C8orf34: variants seen among roughly 807,000 people sequenced by gnomAD.
The protein encoded by C8orf34 is chromosome 8 open reading frame 34.
C8orf34 carries 65 observed loss-of-function variants against 68.3 expected under a neutral mutation model. The ratio of observed to expected loss-of-function variants is 0.95; its 90% confidence interval spans 0.78 to 1.17. The LOEUF (loss-of-function observed/expected upper bound fraction) is 1.17. C8orf34 is among the 50% of genes most tolerant of loss of function. The pLI, the probability that C8orf34 is intolerant of heterozygous loss-of-function variation, is 0.00. For missense variants in C8orf34, 664 were observed against 655.4 expected (o/e 1.01, Z -0.14); for synonymous variants, 244 against 241.2 (o/e 1.01, Z -0.11).
At chr8:68,656,891 G>A (rs1215082772) in intron 8 of C8orf34, among the ~76,000 whole-genome samples, 1 of 152,326 alleles carries the variant, frequency 6.6e-6, no homozygotes, top group South Asian at 2.1e-4. Flanking sequence ...ATAATAAAGA[G>A]ATAGAAGCTA....
At chr8:68,794,694 C>T (rs1166480713) in intron 12 of C8orf34, among the ~76,000 whole-genome samples, 1 of 150,518 alleles carries the variant, frequency 6.6e-6, no homozygotes, top group Non-Finnish European at 1.5e-5. Flanking sequence ...ACCATGTTGC[C>T]CAGGTTGGTC....
chr8:68,660,633 C>T (rs1352116151), intron 8 of C8orf34, among the ~76,000 whole-genome samples: 1 of 152,132 alleles, frequency 6.6e-6, no homozygotes, highest in Non-Finnish European at 1.5e-5. Flanking sequence ...TGTTGCCTGC[C>T]TCTGGATCCC....
intron 7 of C8orf34, chr8:68,534,275 C>G (rs1815372213): frequency 1.0e-6 from 1 of 985,234 alleles, no homozygotes; most frequent in Non-Finnish European, 1.2e-6. Flanking sequence ...CTGTTGGTCC[C>G]TTCCAATTGG....
intron 12 of C8orf34, among the ~76,000 whole-genome samples, chr8:68,810,639 C>A (rs968052001): frequency 6.6e-6 from 1 of 152,088 alleles, no homozygotes; most frequent in African/African-American, 2.4e-5. Flanking sequence ...AAATGAGGTA[C>A]GCATACAACT....
intron 1 of C8orf34, among the ~76,000 whole-genome samples, chr8:68,436,058 A>C (rs908324448): frequency 6.6e-6 from 1 of 152,086 alleles, no homozygotes; most frequent in African/African-American, 2.4e-5. Flanking sequence ...AAATACAAAA[A>C]TTAGTCGTGT....
At position 68,757,295 on chromosome 8, in the gene C8orf34, G is replaced by A. The variant is rs140038863; in HGVS notation, c.1405-19104G>A. Among the ~76,000 whole-genome samples, 831 of 152,222 alleles carry A rather than the reference G, an allele frequency of 5.5e-3. 7 individuals are homozygous for A. The highest frequency in any genetic ancestry group is 0.018 in the African/African-American group (739 of 41,554). On this transcript the variant is annotated intron_variant, in intron 10 of 13. Transcript: ENST00000518698. ...ACTCTGGAGGCAGTGGGTCAGTGAC[G>A]GATGTTAACCAGCTCACTTTAACAA...
intron 1 of C8orf34, among the ~76,000 whole-genome samples, chr8:68,394,160 C>A (rs1308622356): frequency 6.6e-6 from 1 of 151,664 alleles, no homozygotes; most frequent in African/African-American, 2.4e-5. Context: ...CATATGTATA[C>A]ATGTGCCATG....
chr8:68,525,633 G>T (rs946608653), intron 6 of C8orf34: 6 of 737,582 alleles, frequency 8.1e-6, no homozygotes, highest in African/African-American at 6.9e-5. Flanking sequence ...GATGGGAGCA[G>T]ATTATGCTGC....
At chr8:68,544,435 A>G (rs980273904) in intron 7 of C8orf34, among the ~76,000 whole-genome samples, 46 of 152,194 alleles carry the variant, frequency 3.0e-4, no homozygotes, top group Non-Finnish European at 1.8e-4. Flanking sequence ...TAAACCCATG[A>G]GTACAAAGGT....
chr8:68,613,097 T>C (rs1818071687), intron 7 of C8orf34, among the ~76,000 whole-genome samples: 1 of 152,114 alleles, frequency 6.6e-6, no homozygotes, highest in African/African-American at 2.4e-5. Context: ...ATTTTTCTTC[T>C]AGAAAGATGC....
chr8:68,760,152 AG>A (rs1822982000), intron 10 of C8orf34, among the ~76,000 whole-genome samples: 1 of 152,168 alleles, frequency 6.6e-6, no homozygotes. Context: ...ATTACAACAC[AG>A]GCGGAGGACA....
At chr8:68,603,067 G>T (rs1234892869) in intron 7 of C8orf34, among the ~76,000 whole-genome samples, 1 of 151,952 alleles carries the variant, frequency 6.6e-6, no homozygotes, top group Non-Finnish European at 1.5e-5. Context: ...AATTCTTCAG[G>T]TTCCTAATCA....
Position 68,331,033 on chromosome 8 carries a change from G to A in C8orf34, c.21G>A (p.Ser7=), listed in dbSNP as rs1444358877. The A allele has an allele frequency of 4.8e-6, 7 of 1,464,322 alleles. No individual in the cohort carries two copies. The highest frequency in any genetic ancestry group is 5.4e-5 in the Admixed American group (2 of 36,900). The allele number at this position is 1,464,322 out of a possible 1,614,324, so 90.7% of individuals were successfully genotyped here. A position where few individuals can be genotyped will look rare whatever the true frequency, so the allele number is the denominator to read the frequency against. Residue 7 remains serine, a synonymous_variant, in exon 1 of 14, where the codon TCG becomes TCA. Coordinates refer to ENST00000518698, the MANE Select transcript of C8orf34 (RefSeq NM_052958.4). MSSPLA[S]ELSELAALRP... is the part of the protein sequence containing the mutation. ...GATGAATGAGTTCTCCCCTCGCCTC[G>A]GAGTTGTCTGAGTTGGCGGCGCTGC...
intron 1 of C8orf34, chr8:68,439,294 T>G: frequency 2.3e-6 from 1 of 443,298 alleles, no homozygotes. Flanking sequence ...CTGTGTAATA[T>G]AGACAATTTA....
rs991076646 is a variant in C8orf34 at position 68,818,796 on chromosome 8, T to G, written c.*550T>G. The G allele has an allele frequency of 1.3e-5, 2 of 152,156 alleles. No homozygotes were observed. Among genetic ancestry groups the G allele is most frequent in the African/African-American group, 4.8e-5 (2 of 41,418 alleles). 9.4% of individuals were successfully genotyped at this position (152,156 alleles called of 1,614,324 possible). On this transcript the variant is annotated 3_prime_UTR_variant, in exon 14 of 14. Transcript: ENST00000518698. ...ACTGCTCTTTCTCATGATTATTTTCTCTATTCCTATTAAAATGAATAATTG... is the reference window on the plus strand; with the variant it reads ...ACTGCTCTTTCTCATGATTATTTTCGCTATTCCTATTAAAATGAATAATTG...
chr8:68,349,718 C>T (rs999696975), intron 1 of C8orf34, among the ~76,000 whole-genome samples: 45 of 151,690 alleles, frequency 3.0e-4, no homozygotes, highest in African/African-American at 9.7e-4. Context: ...GTGTATGTGC[C>T]CAGAAATTTA....
intron 4 of C8orf34, among the ~76,000 whole-genome samples, chr8:68,477,902 A>G (rs1415724439): frequency 6.6e-6 from 1 of 152,168 alleles, no homozygotes; most frequent in Non-Finnish European, 1.5e-5. Flanking sequence ...GCTGGGACGC[A>G]GGATGCCATG....
intron 1 of C8orf34, among the ~76,000 whole-genome samples, chr8:68,376,111 G>A (rs1483280551): frequency 6.6e-6 from 1 of 151,632 alleles, no homozygotes; most frequent in Admixed American, 6.6e-5. Flanking sequence ...TATCTCCATG[G>A]CCTAGAACAA....
chr8:68,375,940 C>G (rs922606416), intron 1 of C8orf34, among the ~76,000 whole-genome samples: 2 of 152,128 alleles, frequency 1.3e-5, no homozygotes, highest in African/African-American at 4.8e-5. Flanking sequence ...GAAGCAGTAT[C>G]TCTACTTCCT....
Sources: gnomAD v4.1 joint callset for allele counts (sites outside exome capture counted in the v4.1 genomes callset) on GRCh38, gnomAD v4.1.1 for gene constraint, MANE v1.5 for transcripts, NCBI Gene and HGNC (gene_info 2026-07-23, HGNC 2026-07-21) for gene names.